TONSL: variants seen among roughly 807,000 people sequenced by gnomAD.
TONSL encodes the protein tonsoku like, DNA repair protein, also known as tonsoku-like protein.
A neutral mutation model predicts 147.1 loss-of-function variants in TONSL; 112 were observed. That is an observed-to-expected ratio of 0.76 (90% CI 0.65 to 0.89). TONSL has a LOEUF of 0.89. TONSL is among the 40% of genes least tolerant of loss of function. The pLI is 0.00. For missense variants in TONSL, 1,883 were observed against 1,864.6 expected, an observed-to-expected ratio of 1.01 and a Z score of -0.18; for synonymous variants, 868 against 801.5, an observed-to-expected ratio of 1.08 and a Z score of -1.40.
rs1052374304 is a variant in TONSL, at chr8:144,444,410, C to G, written c.5G>C (p.Ser2Thr). Residue 2 changes from serine to threonine, a missense_variant, in exon 1 of 26, where the codon AGC (serine) becomes ACC (threonine). Coordinates refer to ENST00000409379, the MANE Select transcript of TONSL (RefSeq NM_013432.5). M[S>T]LERELRQLSK... ...CTTACGGCGAAGCTCGCGCTCCAGG[C>G]TCATGCTCGGATCGCCGCGGGATCC... 11 of 1,241,734 alleles carry G rather than the reference C, an allele frequency of 8.9e-6. No individual in the cohort carries two copies. Among genetic ancestry groups the G allele is most frequent in the African/African-American group, 4.7e-5 (3 of 64,174 alleles). The allele number at this position is 1,241,734 out of a possible 1,614,324, so 76.9% of individuals were successfully genotyped here. A position where few individuals can be genotyped will look rare whatever the true frequency, so the allele number is the denominator to read the frequency against.
Position 144,442,814 on chromosome 8 carries a change from A to G in TONSL, c.449-8T>C. ...CTCCCTGGGCCAGTGTCCCTGGAAG[A>G]TACCCCCCCAAACACTCAGCCACTT... On this transcript the variant is annotated splice_polypyrimidine_tract_variant and splice_region_variant and intron_variant, in intron 4 of 25. Transcript: ENST00000409379. The G allele has an allele frequency of 6.2e-7, 1 of 1,608,176 alleles. No individual in the cohort carries two copies. Among genetic ancestry groups the G allele is most frequent in the African/African-American group, 1.3e-5 (1 of 74,854 alleles).
intron 12 of TONSL, 25 bp from the exon 13 acceptor site, chr8:144,438,585 A>G (rs776324384): frequency 1.5e-5 from 24 of 1,568,904 alleles, no homozygotes; most frequent in Non-Finnish European, 2.1e-5. Flanking sequence ...AACCCAGCAC[A>G]GGGCAGGGGC....
chr8:144,442,815 T>G lies in TONSL; in HGVS notation c.449-9A>C, dbSNP rs555131923. 3 of 1,608,390 alleles carry G rather than the reference T, an allele frequency of 1.9e-6. No homozygotes were observed. Among genetic ancestry groups the G allele is most frequent in the Non-Finnish European group, 2.5e-6 (3 of 1,177,372 alleles). ...TCCCTGGGCCAGTGTCCCTGGAAGA[T>G]ACCCCCCCAAACACTCAGCCACTTC... On this transcript the variant is annotated splice_polypyrimidine_tract_variant and intron_variant, in intron 4 of 25. Transcript: ENST00000409379.
Position 144,440,200 on chromosome 8 carries a change from A to C in TONSL, c.1301T>G (p.Leu434Trp). ...CAGCTGCACGGTATGGAGATGCTGCAAGACCTGCCTCTGAGGAGCAGAGGG... is the reference window on the plus strand; with the variant it reads ...CAGCTGCACGGTATGGAGATGCTGCCAGACCTGCCTCTGAGGAGCAGAGGG... ...AQRPQLQRQV[L>W]QHLHTVQLRL... The change falls in exon 11 of 26, where the codon TTG becomes TGG. Residue 434 changes from leucine to tryptophan, a missense_variant. Physicochemically the swap from Leu to Trp is moderately conservative, Grantham distance 61. Coordinates refer to ENST00000409379, the MANE Select transcript of TONSL (RefSeq NM_013432.5). 1 of 1,596,154 alleles carries C rather than the reference A, an allele frequency of 6.3e-7. No individual in the cohort carries two copies. Among genetic ancestry groups the C allele is most frequent in the Non-Finnish European group, 8.5e-7 (1 of 1,171,658 alleles).
At chr8:144,443,394 G>T in intron 3 of TONSL, 73 bp from the exon 4 acceptor site, 2 of 1,422,926 alleles carry the variant, frequency 1.4e-6, no homozygotes, top group South Asian at 1.3e-5. Flanking sequence ...GATTCCCAGA[G>T]ACCCTGTTCT....
intron 14 of TONSL, 27 bp from the exon 15 acceptor site, chr8:144,436,947 C>G: frequency 1.9e-6 from 3 of 1,610,874 alleles, no homozygotes; most frequent in Non-Finnish European, 2.5e-6. Context: ...GTAAGCCCAG[C>G]TCCCGATGCC....
At position 144,435,392 on chromosome 8, in the gene TONSL, G is replaced by A. The variant is rs1215055494; in HGVS notation, c.2852+82C>T. 1.5e-5 allele frequency: 20 copies of A among 1,335,486 alleles called. No homozygotes were observed. In the East Asian group the frequency reaches 2.3e-4, roughly 15 times the overall value. 82.7% of individuals were successfully genotyped at this position (1,335,486 alleles called of 1,614,324 possible). A position where few individuals can be genotyped will look rare whatever the true frequency, so the allele number is the denominator to read the frequency against. The stretch of plus-strand genomic sequence containing the variant: ...ACACACCAGGGAGCCCTCGTCACAC[G>A]CCCCACCCTGACATGCAAACACGAG... On this transcript the variant is annotated intron_variant, in intron 18 of 25. Transcript: ENST00000409379.
intron 2 of TONSL, 38 bp downstream of exon 2, chr8:144,444,142 C>T (rs1414336177): frequency 2.9e-6 from 4 of 1,370,600 alleles, no homozygotes; most frequent in African/African-American, 1.5e-5. Context: ...GGGCCCGGGC[C>T]CCGGCCCTGC....
rs35351970 is a variant in TONSL, at chr8:144,433,627, A to G, written c.3520T>C (p.Phe1174Leu). 3,986 of 1,613,460 alleles carry G rather than the reference A, an allele frequency of 2.5e-3. 88 individuals carry two copies. The African/African-American group carries it at 0.047, about 19-fold the overall frequency. ...LQACGFGPSFFLSHQTALGSA... is the reference protein window; with the variant it reads ...LQACGFGPSFLLSHQTALGSA... ...CCCAGTGCTGTCTGGTGGCTCAGAA[A>G]GAAGCTGGGGCCGAAGCCACACGCC... The change falls in exon 22 of 26, where the codon TTT (phenylalanine) becomes CTT (leucine). Residue 1174 changes from phenylalanine (F) to leucine (L), a missense_variant. By Grantham distance (22) the Phe-to-Leu change is conservative. Transcript: ENST00000409379.
At position 144,435,184 on chromosome 8, in the gene TONSL, G is replaced by A. The variant is rs1295515187; in HGVS notation, c.2853-14C>T. 2 of 1,506,630 alleles carry A rather than the reference G, an allele frequency of 1.3e-6. No homozygotes were observed. The highest frequency in any genetic ancestry group is 1.4e-5 in the African/African-American group (1 of 71,928). The allele number at this position is 1,506,630 out of a possible 1,614,324, so 93.3% of individuals were successfully genotyped here. A position where few individuals can be genotyped will look rare whatever the true frequency, so the allele number is the denominator to read the frequency against. On this transcript the variant is annotated splice_polypyrimidine_tract_variant and intron_variant, in intron 18 of 25. Coordinates refer to ENST00000409379, the MANE Select transcript of TONSL (RefSeq NM_013432.5). ...TGGGTGTCACTGCTGCAGGGACAGA[G>A]GCGCTGCTGCTGCTGCCTGCACACA...
intron 3 of TONSL, 95 bp downstream of exon 3, chr8:144,443,787 C>T: frequency 6.7e-7 from 1 of 1,491,024 alleles, no homozygotes; most frequent in Non-Finnish European, 9.0e-7. Flanking sequence ...TCCCCTCCAG[C>T]CCGAGGCTCC....
chr8:144,432,328 C>T lies in TONSL; in HGVS notation c.3692G>A (p.Gly1231Asp), dbSNP rs1554878886. 2 of 1,613,706 alleles carry T rather than the reference C, an allele frequency of 1.2e-6. No homozygotes were observed. The highest frequency in any genetic ancestry group is 1.7e-6 in the Non-Finnish European group (2 of 1,179,920). ...TACAGGCTCCATGAGGTCCGAATCA[C>T]CCTTGCCGGCTGCCACGGAGCTGAG... ...LELSSVAAGK[G>D]DSDLMEPVFR... is the part of the protein sequence containing the mutation. Residue 1231 changes from glycine (G) to aspartate (D), a missense_variant, in exon 23 of 26, where the codon GGT becomes GAT. Transcript: ENST00000409379.
Position 144,435,482 on chromosome 8 carries a change from G to C in TONSL, c.2844C>G (p.Val948=). Residue 948 remains valine, a synonymous_variant, in exon 18 of 26, where the codon GTC becomes GTG. Coordinates refer to ENST00000409379, the MANE Select transcript of TONSL (RefSeq NM_013432.5). ...GGCAGGCGATGCCTCACCTGTGTGGGACAGGGATGAGGAAGAGATGATCCT... is the reference window on the plus strand; with the variant it reads ...GGCAGGCGATGCCTCACCTGTGTGGCACAGGGATGAGGAAGAGATGATCCT... The part of the protein sequence containing the change: ...QVQDHLFLIP[V]PHSSDTHSVA... The C allele has an allele frequency of 6.5e-7, 1 of 1,547,996 alleles. No homozygotes were observed. Among genetic ancestry groups the C allele is most frequent in the Non-Finnish European group, 8.7e-7 (1 of 1,145,210 alleles).
In TONSL at chr8:144,435,082, G is replaced by A. The variant is rs764030546; in HGVS notation, c.2941C>T (p.Arg981Trp). ...TCGLLPRLTL[R>W]KEGALLAPQD... is the part of the protein sequence containing the mutation. The stretch of plus-strand genomic sequence containing the variant: ...GGGGCCAGCAGGGCCCCCTCTTTCC[G>A]TAGGGTGAGCCTGGGCAGCAGCCCG... The change falls in exon 19 of 26, where the codon CGG becomes TGG. Residue 981 changes from arginine (R) to tryptophan (W), a missense_variant. Arg to Trp is a moderately radical substitution (Grantham distance 101). Coordinates refer to ENST00000409379, the MANE Select transcript of TONSL (RefSeq NM_013432.5). 13 of 1,608,716 alleles carry A rather than the reference G, an allele frequency of 8.1e-6. No homozygotes were observed. The highest frequency in any genetic ancestry group is 2.2e-5 in the South Asian group (2 of 90,390).
chr8:144,429,013 T>C lies in TONSL; in HGVS notation c.*130A>G. 9.5e-7 allele frequency: 1 copy of C among 1,055,358 alleles called. No homozygotes were observed. The highest frequency in any genetic ancestry group is 1.3e-6 in the Non-Finnish European group (1 of 770,190). The allele number at this position is 1,055,358 out of a possible 1,614,324, so 65.4% of individuals were successfully genotyped here. ...ACCATGTTAGCCAGGATGGTCTCGATCTCCTGACCTCGTGATCCGCCCGCC... is the reference window on the plus strand; with the variant it reads ...ACCATGTTAGCCAGGATGGTCTCGACCTCCTGACCTCGTGATCCGCCCGCC... On this transcript the variant is annotated 3_prime_UTR_variant, in exon 26 of 26. Transcript: ENST00000409379.
At chr8:144,440,679 T>C (rs1294737221) in intron 9 of TONSL, 39 bp downstream of exon 9, 5 of 1,595,082 alleles carry the variant, frequency 3.1e-6, no homozygotes, top group South Asian at 1.1e-5. Flanking sequence ...GGCAGAGACA[T>C]GGGTGAACCT....
Position 144,440,359 on chromosome 8 carries a change from G to T in TONSL, c.1282C>A (p.Gln428Lys). 2 of 1,592,918 alleles carry T rather than the reference G, an allele frequency of 1.3e-6. No individual in the cohort carries two copies. Among genetic ancestry groups the T allele is most frequent in the South Asian group, 1.1e-5 (1 of 89,820 alleles). Residue 428 changes from glutamine (Q) to lysine (K), a missense_variant, in exon 10 of 26, where the codon CAG (glutamine) becomes AAG (lysine). Gln to Lys is a moderately conservative substitution (Grantham distance 53). Coordinates refer to ENST00000409379, the MANE Select transcript of TONSL (RefSeq NM_013432.5). ...LSCAQQAQRP[Q>K]LQRQVLQHLH... ...GGGATGGGCTCTCGCACCTGCAGCTGGGGACGCTGGGCCTGCTGGGCACAG... is the reference window on the plus strand; with the variant it reads ...GGGATGGGCTCTCGCACCTGCAGCTTGGGACGCTGGGCCTGCTGGGCACAG...
In TONSL at chr8:144,438,506, C is replaced by T. The variant is rs1220251054; in HGVS notation, c.1618G>A (p.Gly540Ser). 2 of 1,613,166 alleles carry T rather than the reference C, an allele frequency of 1.2e-6. No homozygotes were observed. Among genetic ancestry groups the T allele is most frequent in the South Asian group, 1.1e-5 (1 of 91,084 alleles). ...AGGTCCTGGACGCGGCGCAGCTGGC[C>T]CTCGATGCAGGCTCGGTGCAGCAGG... is the stretch of plus-strand genomic sequence containing the variant. ...ETLLHRACIE[G>S]QLRRVQDLVR... The change falls in exon 13 of 26, where the codon GGC becomes AGC. Residue 540 changes from glycine to serine, a missense_variant. Coordinates refer to ENST00000409379, the MANE Select transcript of TONSL (RefSeq NM_013432.5).
chr8:144,441,961 T>C (rs1823734728), intron 7 of TONSL, 76 bp downstream of exon 7: 2 of 1,295,726 alleles, frequency 1.5e-6, no homozygotes, highest in South Asian at 1.2e-5. Context: ...TGTACACACC[T>C]GGCGGGACTC....
Sources: gnomAD v4.1 joint callset for allele counts on GRCh38, gnomAD v4.1.1 for gene constraint, MANE v1.5 for transcripts, NCBI Gene and HGNC (gene_info 2026-07-23, HGNC 2026-07-21) for gene names.